The following FAM227B variants were observed in gnomAD, a reference collection of about 807,000 sequenced individuals.
The protein encoded by FAM227B is protein FAM227B.
A neutral mutation model predicts 73.8 loss-of-function variants in FAM227B; 88 were observed. The observed-to-expected ratio is 1.19, with a 90% CI of 1.00 to 1.42. The LOEUF is 1.42. Ranked by LOEUF, FAM227B falls within the 40% of genes most tolerant of loss-of-function variation. The pLI is 0.00. For synonymous variants in FAM227B, 210 were observed against 190.5 expected (o/e 1.10, Z -0.84); for missense variants, 632 against 590.9 (o/e 1.07, Z -0.72).
At chr15:49,464,556 G>A (rs996154218) in intron 11 of FAM227B, among the ~76,000 whole-genome samples, 2 of 152,138 alleles carry the variant, frequency 1.3e-5, no homozygotes, top group Non-Finnish European at 2.9e-5. Context: ...AAAACTGGCA[G>A]ATGACTTTTA....
intron 11 of FAM227B, among the ~76,000 whole-genome samples, chr15:49,480,346 C>T (rs2055820032): frequency 6.6e-6 from 1 of 152,010 alleles, no homozygotes; most frequent in Non-Finnish European, 1.5e-5. Context: ...AGCCTCACTC[C>T]ACCCACACTG....
intron 11 of FAM227B, among the ~76,000 whole-genome samples, chr15:49,479,651 T>C (rs1408127438): frequency 7.2e-6 from 1 of 139,628 alleles, no homozygotes; most frequent in African/African-American, 2.7e-5. Context: ...CTAGCTCTTG[T>C]TGTCCAGGCT....
At chr15:49,445,980 T>A (rs184919839) in intron 11 of FAM227B, among the ~76,000 whole-genome samples, 21 of 151,734 alleles carry the variant, frequency 1.4e-4, no homozygotes, top group Admixed American at 9.2e-4. Context: ...TAATTTTATA[T>A]AAATTCATGA....
At chr15:49,542,743 C>T (rs964330387) in intron 9 of FAM227B, among the ~76,000 whole-genome samples, 8 of 149,366 alleles carry the variant, frequency 5.4e-5, no homozygotes, top group Non-Finnish European at 1.0e-4. Context: ...ACTAGTTATA[C>T]ATTTATTTAA....
intron 5 of FAM227B, among the ~76,000 whole-genome samples, chr15:49,586,472 G>C (rs147235414): frequency 1.3e-5 from 2 of 152,254 alleles, no homozygotes; most frequent in East Asian, 3.9e-4. Context: ...TCTGGACATA[G>C]GTATGGGCAA....
intron 11 of FAM227B, among the ~76,000 whole-genome samples, chr15:49,437,892 CT>C (rs1164193036): frequency 6.6e-6 from 1 of 151,452 alleles, no homozygotes; most frequent in Non-Finnish European, 1.5e-5. Context: ...TGGAGGCCAG[CT>C]AACAGAACCT....
intron 15 of FAM227B, chr15:49,329,905 A>G: frequency 3.7e-6 from 1 of 273,620 alleles, no homozygotes; most frequent in Non-Finnish European, 5.6e-6. Context: ...AAAAATTTCC[A>G]ATGTGCACTC....
chr15:49,561,732 C>T (rs981016707), intron 9 of FAM227B, among the ~76,000 whole-genome samples: 1 of 152,134 alleles, frequency 6.6e-6, no homozygotes, highest in Admixed American at 6.5e-5. Context: ...AATTACACAA[C>T]TTGCTCCTAA....
chr15:49,608,212 C>T (rs1467902455), intron 3 of FAM227B, among the ~76,000 whole-genome samples: 2 of 151,922 alleles, frequency 1.3e-5, no homozygotes, highest in African/African-American at 4.8e-5. Context: ...GCGCTGTGGT[C>T]CTTAGTGATA....
intron 11 of FAM227B, among the ~76,000 whole-genome samples, chr15:49,385,038 C>T (rs986436250): frequency 3.3e-5 from 5 of 151,906 alleles, no homozygotes; most frequent in Admixed American, 6.6e-5. Context: ...TCCTGTAAAA[C>T]GTGCTCTAAT....
At chr15:49,375,656 C>T (rs1021923389) in intron 11 of FAM227B, among the ~76,000 whole-genome samples, 3 of 151,966 alleles carry the variant, frequency 2.0e-5, no homozygotes, top group Non-Finnish European at 2.9e-5. Context: ...ACTTATTGAC[C>T]CATTTAAAAA....
intron 11 of FAM227B, among the ~76,000 whole-genome samples, chr15:49,417,018 T>C (rs1453826545): frequency 6.6e-6 from 1 of 152,134 alleles, no homozygotes; most frequent in African/African-American, 2.4e-5. Context: ...ATGACATTCT[T>C]CACAGAACTA....
At chr15:49,379,524 G>A (rs949115669) in intron 11 of FAM227B, among the ~76,000 whole-genome samples, 2 of 152,148 alleles carry the variant, frequency 1.3e-5, no homozygotes, top group Non-Finnish European at 2.9e-5. Flanking sequence ...TTGGTAGGTT[G>A]TATGTGTCTA....
At chr15:49,579,707 T>A (rs893272345) in intron 5 of FAM227B, among the ~76,000 whole-genome samples, 1 of 152,166 alleles carries the variant, frequency 6.6e-6, no homozygotes, top group African/African-American at 2.4e-5. Flanking sequence ...TTATTTAGAA[T>A]GATTAAGTTC....
chr15:49,379,750 T>C (rs1231007737), intron 11 of FAM227B, among the ~76,000 whole-genome samples: 2 of 152,192 alleles, frequency 1.3e-5, no homozygotes, highest in Admixed American at 1.3e-4. Context: ...CAGGGTTTCT[T>C]TCTCCATTCT....
At position 49,384,570 on chromosome 15, in the gene FAM227B, CA is replaced by C. The variant is rs372372414; in HGVS notation, c.1013-13172del. On this transcript the variant is annotated intron_variant, in intron 11 of 15. Coordinates refer to ENST00000299338, the MANE Select transcript of FAM227B (RefSeq NM_152647.3). ...TTAGTTGTTGATCACTTGGGAATTT[CA>C]AGGAATTGGAAAACATTCTTGTGTG... Among the ~76,000 whole-genome samples the C allele has an allele frequency of 4.2e-3, 633 of 152,064 alleles. 6 individuals are homozygous for C. The highest frequency in any genetic ancestry group is 0.015 in the African/African-American group (604 of 41,488).
intron 13 of FAM227B, among the ~76,000 whole-genome samples, chr15:49,355,222 G>C (rs556422918): frequency 2.6e-5 from 4 of 152,316 alleles, no homozygotes; most frequent in East Asian, 1.9e-4. Context: ...CACCAGCAAA[G>C]GAACAAAGCT....
intron 11 of FAM227B, among the ~76,000 whole-genome samples, chr15:49,372,801 A>T (rs1457282656): frequency 6.6e-6 from 1 of 152,136 alleles, no homozygotes; most frequent in Non-Finnish European, 1.5e-5. Flanking sequence ...TAGTGATTGT[A>T]ATGTTGATGA....
chr15:49,475,191 T>C (rs2151981535), intron 11 of FAM227B, among the ~76,000 whole-genome samples: 1 of 151,786 alleles, frequency 6.6e-6, no homozygotes, highest in South Asian at 2.1e-4. Context: ...GAACAAGGAG[T>C]GTGAAGTGAG....
Sources: allele counts gnomAD v4.1 joint callset (sites outside exome capture counted in the v4.1 genomes callset), GRCh38; gene constraint gnomAD v4.1.1; transcripts MANE v1.5; gene names NCBI Gene and HGNC (gene_info 2026-07-23, HGNC 2026-07-21).